Variants in GPR141 observed in about 807,000 individuals in gnomAD.
GPR141 encodes the protein probable G protein-coupled receptor 141.
In GPR141, 6 loss-of-function variants were observed where a neutral mutation model predicts 6.8. The ratio of observed to expected loss-of-function variants is 0.88; its 90% confidence interval spans 0.48 to 1.74. The LOEUF (loss-of-function observed/expected upper bound fraction) is 1.74, where lower values mean the gene tolerates loss of function less well. Among genes scored for constraint, GPR141 ranks in the 40% most tolerant of loss-of-function variants. The pLI, the probability that GPR141 is intolerant of heterozygous loss-of-function variation, is 0.01. For synonymous variants in GPR141, 140 were observed against 142.3 expected, an observed-to-expected ratio of 0.98 and a Z score of 0.11; for missense variants, 372 against 372.9, an observed-to-expected ratio of 1.00 and a Z score of 0.02.
chr7:37,697,542 C>A (rs1470874651), intron 2 of GPR141, among the ~76,000 whole-genome samples: 3 of 152,192 alleles, frequency 2.0e-5, no homozygotes, highest in Admixed American at 1.3e-4. Flanking sequence ...AGCCTCCATG[C>A]TCAGGCATGA....
intron 2 of GPR141, among the ~76,000 whole-genome samples, chr7:37,685,961 G>A (rs1583511263): frequency 1.3e-5 from 2 of 151,900 alleles, no homozygotes; most frequent in East Asian, 3.9e-4. Context: ...AGCATGTTGT[G>A]ACTAAAATAA....
chr7:37,702,873 C>T (rs1313775049), intron 2 of GPR141, among the ~76,000 whole-genome samples: 3 of 146,872 alleles, frequency 2.0e-5, no homozygotes, highest in Admixed American at 6.8e-5. Flanking sequence ...AATATTGTTG[C>T]CTAGTATTTT....
intron 2 of GPR141, among the ~76,000 whole-genome samples, chr7:37,687,136 C>T (rs1440352239): frequency 6.6e-6 from 1 of 152,074 alleles, no homozygotes; most frequent in Non-Finnish European, 1.5e-5. Flanking sequence ...TGATGTCAGT[C>T]GGAGCACTGT....
chr7:37,739,079 C>T (rs1220159945), intron 2 of GPR141, among the ~76,000 whole-genome samples: 5 of 151,998 alleles, frequency 3.3e-5, no homozygotes. Flanking sequence ...AAATGTTTTG[C>T]CCCTCACAAG....
intron 2 of GPR141, among the ~76,000 whole-genome samples, chr7:37,695,623 T>C (rs1232616396): frequency 6.6e-6 from 1 of 152,204 alleles, no homozygotes; most frequent in South Asian, 2.1e-4. Flanking sequence ...TAAGTTTCCG[T>C]GTTCACTCAG....
chr7:37,708,141 A>AT (rs1810610509), intron 2 of GPR141, among the ~76,000 whole-genome samples: 1 of 152,062 alleles, frequency 6.6e-6, no homozygotes, highest in Admixed American at 6.6e-5. Context: ...AGCCTGACAG[A>AT]TGTAATGATA....
chr7:37,740,518 T>C lies in GPR141; in HGVS notation c.125T>C (p.Leu42Pro). The change falls in exon 3 of 3, where the codon CTG (leucine) becomes CCG (proline). Residue 42 changes from leucine to proline, a missense_variant. Physicochemically the swap from Leu to Pro is moderately conservative, Grantham distance 98 (BLOSUM62 -3). Coordinates refer to ENST00000334425, the MANE Select transcript of GPR141 (RefSeq NM_001381946.1). Reference sequence around the variant, plus strand: ...GGTGTCATTTCCATTCTTTTCCTCCTGGTGAAAATGAACACCCGGTCAGTG... The same window carrying C: ...GGTGTCATTTCCATTCTTTTCCTCCCGGTGAAAATGAACACCCGGTCAGTG... The part of the protein sequence containing the change: ...LVGVISILFL[L>P]VKMNTRSVTT... The C allele has an allele frequency of 6.2e-7, 1 of 1,614,084 alleles. No individual in the cohort carries two copies.
intron 2 of GPR141, among the ~76,000 whole-genome samples, chr7:37,719,167 C>T (rs566609252): frequency 6.6e-6 from 1 of 152,192 alleles, no homozygotes; most frequent in Admixed American, 6.5e-5. Flanking sequence ...AAGGTTGGAC[C>T]CGGAAACAAA....
intron 2 of GPR141, among the ~76,000 whole-genome samples, chr7:37,705,187 C>T (rs554849818): frequency 2.6e-5 from 4 of 152,182 alleles, no homozygotes; most frequent in African/African-American, 9.7e-5. Context: ...AAGCTCTGAA[C>T]AGAATGCAGG....
intron 2 of GPR141, among the ~76,000 whole-genome samples, chr7:37,694,287 C>G (rs1809918410): frequency 6.6e-6 from 1 of 152,214 alleles, no homozygotes; most frequent in South Asian, 2.1e-4. Flanking sequence ...TGGAGCAGCT[C>G]TGCCGGGGCA....
rs928652224 is a variant in GPR141, at chr7:37,741,622, T to C, written c.*311T>C. Among the ~76,000 whole-genome samples, 4 of 152,212 alleles carry C rather than the reference T, an allele frequency of 2.6e-5. No homozygotes were observed. The highest frequency in any genetic ancestry group is 4.4e-5 in the Non-Finnish European group (3 of 68,042). On this transcript the variant is annotated 3_prime_UTR_variant, in exon 3 of 3. Coordinates refer to ENST00000334425, the MANE Select transcript of GPR141 (RefSeq NM_001381946.1). The stretch of plus-strand genomic sequence containing the variant: ...TTAAGAGTTTTAGAGTTTCATTAGC[T>C]CATTCTAAGTTCCTCTGTTTGAAGC...
intron 2 of GPR141, among the ~76,000 whole-genome samples, chr7:37,736,235 G>A (rs1812228662): frequency 6.6e-6 from 1 of 151,646 alleles, no homozygotes; most frequent in Non-Finnish European, 1.5e-5. Context: ...CTGGGTGACA[G>A]AGCAAGACTC....
intron 2 of GPR141, among the ~76,000 whole-genome samples, chr7:37,689,269 A>G (rs1414197459): frequency 2.6e-5 from 4 of 152,056 alleles, no homozygotes; most frequent in African/African-American, 9.7e-5. Flanking sequence ...AATCTTTTTA[A>G]TGTGCTGCCA....
rs563915961 is a variant in GPR141 at position 37,722,284 on chromosome 7, G to A, written c.-14-18096G>A. Among the ~76,000 whole-genome samples the A allele has an allele frequency of 8.5e-5, 13 of 152,186 alleles. No homozygotes were observed. The South Asian group carries it at 2.1e-3, about 24-fold the overall frequency. ...ACATCCACTTGATGAGATGTTATACGGTCGTATAAAAGTGCACGGAAACAG... is the reference window on the plus strand; with the variant it reads ...ACATCCACTTGATGAGATGTTATACAGTCGTATAAAAGTGCACGGAAACAG... On this transcript the variant is annotated intron_variant, in intron 2 of 2. Transcript: ENST00000334425.
Position 37,742,232 on chromosome 7 carries a change from G to A in GPR141, c.*921G>A, listed in dbSNP as rs551878390. The stretch of plus-strand genomic sequence containing the variant: ...ACTGAAATCTTTAGAGCTCCCTTCC[G>A]CCGTTAAAATTATATATATATATAT... On this transcript the variant is annotated 3_prime_UTR_variant, in exon 3 of 3. Transcript: ENST00000334425. Among the ~76,000 whole-genome samples, 5 of 151,776 alleles carry A rather than the reference G, an allele frequency of 3.3e-5. No homozygotes were observed. The highest frequency in any genetic ancestry group is 5.9e-5 in the Non-Finnish European group (4 of 67,954).
At chr7:37,694,718 T>A (rs1326408145) in intron 2 of GPR141, among the ~76,000 whole-genome samples, 1 of 152,122 alleles carries the variant, frequency 6.6e-6, no homozygotes, top group African/African-American at 2.4e-5. Flanking sequence ...AACAACCAGC[T>A]CTCAGGGAAA....
At chr7:37,696,535 A>G (rs1810024267) in intron 2 of GPR141, among the ~76,000 whole-genome samples, 2 of 150,198 alleles carry the variant, frequency 1.3e-5, no homozygotes, top group African/African-American at 4.9e-5. Flanking sequence ...CAACCACCTC[A>G]TTTTCCTCAG....
intron 2 of GPR141, among the ~76,000 whole-genome samples, chr7:37,738,081 T>C (rs931257492): frequency 4.6e-5 from 7 of 152,122 alleles, no homozygotes; most frequent in Non-Finnish European, 8.8e-5. Context: ...TTTTCGGGAG[T>C]GTATGTGTGC....
chr7:37,714,991 C>T (rs1562778411), intron 2 of GPR141, among the ~76,000 whole-genome samples: 2 of 152,170 alleles, frequency 1.3e-5, no homozygotes, highest in African/African-American at 4.8e-5. Context: ...TTCTGCAAAA[C>T]ATGTTATAAC....
Sources: gnomAD v4.1 joint callset for allele counts (sites outside exome capture counted in the v4.1 genomes callset) on GRCh38, gnomAD v4.1.1 for gene constraint, MANE v1.5 for transcripts, NCBI Gene and HGNC (gene_info 2026-07-23, HGNC 2026-07-21) for gene names.